The following TOGARAM2 variants were observed in gnomAD, a reference collection of about 807,000 sequenced individuals.
TOGARAM2 encodes TOG array regulator of axonemal microtubules 2, also known as TOG array regulator of axonemal microtubules protein 2.
A neutral mutation model predicts 93.3 loss-of-function variants in TOGARAM2; 85 were observed. That is an observed-to-expected ratio of 0.91 (90% CI 0.76 to 1.09). The LOEUF (loss-of-function observed/expected upper bound fraction) is 1.09, where lower values mean the gene tolerates loss of function less well. Among genes scored for constraint, TOGARAM2 ranks in the 50% least tolerant of loss-of-function variants. The probability of loss-of-function intolerance (pLI) is 0.00; values close to 1 mark genes in which losing one functional copy is unlikely to be tolerated. For missense variants in TOGARAM2, 1,277 were observed against 1,334.5 expected (o/e 0.96, Z 0.67); for synonymous variants, 593 against 552.8 (o/e 1.07, Z -1.02).
chr2:28,998,449 AGGGGGACCC>A (rs1185453770), intron 3 of TOGARAM2, among the ~76,000 whole-genome samples, 196 bp downstream of exon 3: 1 of 152,204 alleles, frequency 6.6e-6, no homozygotes, highest in African/African-American at 2.4e-5. Context: ...AGGTGTGCAG[AGGGGGACCC>A]GCAGGAATAG....
intron 14 of TOGARAM2, among the ~76,000 whole-genome samples, chr2:29,032,507 T>C (rs926705530): frequency 1.3e-5 from 2 of 152,246 alleles, no homozygotes; most frequent in African/African-American, 4.8e-5. Context: ...CTGGGACTTC[T>C]AAATGTTCCA....
At chr2:29,036,096 C>T (rs1391605069) in intron 17 of TOGARAM2, among the ~76,000 whole-genome samples, 1 of 152,084 alleles carries the variant, frequency 6.6e-6, no homozygotes, top group Admixed American at 6.5e-5. Flanking sequence ...AGGCTGCTGA[C>T]AGTCAGTTAC....
chr2:29,029,203 G>A (rs930981115), intron 14 of TOGARAM2, among the ~76,000 whole-genome samples: 1 of 151,852 alleles, frequency 6.6e-6, no homozygotes, highest in Non-Finnish European at 1.5e-5. Context: ...CAGCCCAAAT[G>A]CCTCATCATC....
rs201685165 is a variant in TOGARAM2, at chr2:29,004,748, G to A, written c.830+1066G>A. On this transcript the variant is annotated intron_variant, in intron 6 of 19. Coordinates refer to ENST00000379558, the MANE Select transcript of TOGARAM2 (RefSeq NM_199280.4). ...TATGTGTGAGTGCATGCATGTGTGTGTGTGTCTGAGTGTGTGTGTGCATGA... is the reference window on the plus strand; with the variant it reads ...TATGTGTGAGTGCATGCATGTGTGTATGTGTCTGAGTGTGTGTGTGCATGA... 9.7e-4 allele frequency among the ~76,000 whole-genome samples: 62 copies of A among 64,062 alleles called. 1 individual carries two copies. The South Asian group carries it at 0.024, about 25-fold the overall frequency. The allele number at this position is 64,062 out of a possible 152,430, so 42.0% of individuals were successfully genotyped here. A position where few individuals can be genotyped will look rare whatever the true frequency, so the allele number is the denominator to read the frequency against.
intron 18 of TOGARAM2, among the ~76,000 whole-genome samples, chr2:29,038,329 G>T (rs1420960445): frequency 1.3e-5 from 2 of 152,238 alleles, no homozygotes; most frequent in South Asian, 2.1e-4. Context: ...CAATGGGAAG[G>T]GTTGGCTCTC....
chr2:29,009,163 A>T (rs112903578), intron 6 of TOGARAM2, among the ~76,000 whole-genome samples: 280 of 152,326 alleles, frequency 1.8e-3, no homozygotes, highest in Middle Eastern at 6.8e-3. Flanking sequence ...AAGAGATCTG[A>T]ATCATGCCAG....
rs1664433139 is a variant in TOGARAM2, at chr2:29,014,478, A to G, written c.961A>G (p.Thr321Ala). 2 of 1,596,644 alleles carry G rather than the reference A, an allele frequency of 1.3e-6. No individual in the cohort carries two copies. Among genetic ancestry groups the G allele is most frequent in the Non-Finnish European group, 1.7e-6 (2 of 1,171,904 alleles). ...PALPFSQSAP[T>A]LTAFSFDCAR... ...CCTGCCTTTTTCTCAGTCTGCTCCC[A>G]CGCTGACAGCCTTCTCCTTTGACTG... The change falls in exon 8 of 20, where the codon ACG (threonine) becomes GCG (alanine). Residue 321 changes from threonine (T) to alanine (A), a missense_variant. Transcript: ENST00000379558.
At chr2:29,002,482 TCCACTC>T in intron 4 of TOGARAM2, 48 bp from the exon 5 acceptor site, 1 of 1,527,328 alleles carries the variant, frequency 6.5e-7, no homozygotes. Context: ...GAATCCACCT[TCCACTC>T]CCTGTTCTTC....
At chr2:29,024,421 A>G in intron 13 of TOGARAM2, 47 bp downstream of exon 13, 2 of 1,514,532 alleles carry the variant, frequency 1.3e-6, no homozygotes, top group South Asian at 1.2e-5. Context: ...CAGGGAAGGT[A>G]AGGCAAGGGG....
chr2:29,015,662 C>T (rs1208416603), intron 8 of TOGARAM2, among the ~76,000 whole-genome samples: 4 of 152,232 alleles, frequency 2.6e-5, no homozygotes, highest in Admixed American at 1.3e-4. Flanking sequence ...CCTTCATCTT[C>T]CCAAATGCAG....
Position 29,019,688 on chromosome 2 carries a change from T to C in TOGARAM2, c.1360+1732T>C, listed in dbSNP as rs1350481202. 2.0e-5 allele frequency among the ~76,000 whole-genome samples: 3 copies of C among 152,300 alleles called. No individual in the cohort carries two copies. The East Asian group carries it at 5.8e-4, about 29-fold the overall frequency. On this transcript the variant is annotated intron_variant, in intron 10 of 19. Transcript: ENST00000379558. ...TAGGTAGAAATAAAATCAAGTAGGT[T>C]ATGTTGTTGGAGTTAGGAAAAAAAG...
intron 1 of TOGARAM2, among the ~76,000 whole-genome samples, chr2:28,983,024 G>A (rs556611811): frequency 1.3e-5 from 2 of 150,910 alleles, no homozygotes; most frequent in Admixed American, 1.3e-4. Flanking sequence ...GTTTCACTCT[G>A]TCCCCCAGGT....
At chr2:28,988,455 G>A (rs1672563541) in intron 1 of TOGARAM2, among the ~76,000 whole-genome samples, 1 of 151,980 alleles carries the variant, frequency 6.6e-6, no homozygotes, top group Non-Finnish European at 1.5e-5. Flanking sequence ...CTCCCATCTG[G>A]CCCAGCCTGT....
chr2:28,970,572 T>TC (rs1040953754), intron 1 of TOGARAM2, among the ~76,000 whole-genome samples: 1 of 152,222 alleles, frequency 6.6e-6, no homozygotes, highest in Non-Finnish European at 1.5e-5. Flanking sequence ...GTTCTGGGTG[T>TC]CCTGCCTATT....
intron 8 of TOGARAM2, among the ~76,000 whole-genome samples, chr2:29,015,080 G>A (rs551080028): frequency 6.6e-6 from 1 of 152,294 alleles, no homozygotes; most frequent in Admixed American, 6.5e-5. Flanking sequence ...AGTGAAGCTT[G>A]GGGAGTCACT....
upstream of TOGARAM2, among the ~76,000 whole-genome samples, chr2:28,979,567 C>T (rs1399577418): frequency 6.6e-6 from 1 of 152,188 alleles, no homozygotes; most frequent in African/African-American, 2.4e-5. Context: ...CTGCTGGGGC[C>T]TCTCTCCATC....
At chr2:29,005,527 A>G (rs1369254968) in intron 6 of TOGARAM2, among the ~76,000 whole-genome samples, 2 of 133,910 alleles carry the variant, frequency 1.5e-5, no homozygotes, top group African/African-American at 6.0e-5. Flanking sequence ...ACGTGTGTGA[A>G]GCCATGTGTG....
At position 29,036,669 on chromosome 2, in the gene TOGARAM2, C is replaced by T; in HGVS notation, c.2547C>T (p.Ile849=). 1 of 1,614,034 alleles carries T rather than the reference C, an allele frequency of 6.2e-7. No homozygotes were observed. Among genetic ancestry groups the T allele is most frequent in the African/African-American group, 1.3e-5 (1 of 75,038 alleles). ...TACACCCCATGCTGCTCTCCATCAT[C>T]ATCACTGTTGCAGACAACCTCAACT... ...ESLHPMLLSI[I]ITVADNLNSK... The change falls in exon 18 of 20, where the codon ATC becomes ATT. Residue 849 remains isoleucine, a synonymous_variant. Transcript: ENST00000379558.
chr2:29,010,361 C>T (rs1344055418), intron 6 of TOGARAM2, among the ~76,000 whole-genome samples: 1 of 152,170 alleles, frequency 6.6e-6, no homozygotes, highest in Non-Finnish European at 1.5e-5. Flanking sequence ...CCAGCCCACA[C>T]GATCCCTCCC....
Sources: allele counts gnomAD v4.1 joint callset (sites outside exome capture counted in the v4.1 genomes callset), GRCh38; gene constraint gnomAD v4.1.1; transcripts MANE v1.5; gene names NCBI Gene and HGNC (gene_info 2026-07-23, HGNC 2026-07-21).